ATP6V1C1: variants seen among roughly 807,000 people sequenced by gnomAD.
ATP6V1C1 encodes the protein ATPase H+ transporting V1 subunit C1.
Under a neutral mutation model 53.9 loss-of-function variants are expected in ATP6V1C1, and 45 were observed. The observed-to-expected ratio is 0.83, with a 90% CI of 0.66 to 1.07. The LOEUF (loss-of-function observed/expected upper bound fraction) is 1.07. Among genes scored for constraint, ATP6V1C1 ranks in the 50% least tolerant of loss-of-function variants. The pLI, the probability that ATP6V1C1 is intolerant of heterozygous loss-of-function variation, is 0.00. For synonymous variants in ATP6V1C1, 153 were observed against 155.2 expected, an observed-to-expected ratio of 0.99 and a Z score of 0.11; for missense variants, 315 against 440.3, an observed-to-expected ratio of 0.72 and a Z score of 2.55.
chr8:103,045,713 G>A (rs905775235), intron 3 of ATP6V1C1, among the ~76,000 whole-genome samples: 9 of 152,132 alleles, frequency 5.9e-5, no homozygotes, highest in Non-Finnish European at 1.5e-5. Flanking sequence ...AGGCCAAGGT[G>A]GGCGGATCAT....
chr8:103,021,755 A>T (rs1463720217), intron 1 of ATP6V1C1, among the ~76,000 whole-genome samples: 2 of 152,120 alleles, frequency 1.3e-5, no homozygotes, highest in African/African-American at 4.8e-5. Flanking sequence ...AAAGAACAGG[A>T]ATCCAGAGAA....
At chr8:103,047,761 A>G (rs893684460) in intron 3 of ATP6V1C1, among the ~76,000 whole-genome samples, 4 of 152,170 alleles carry the variant, frequency 2.6e-5, no homozygotes, top group African/African-American at 9.7e-5. Flanking sequence ...AATATGCCCC[A>G]TGGCAACGAT....
In ATP6V1C1 at chr8:103,070,698, T is replaced by G. The variant is rs973067034; in HGVS notation, c.*1951T>G. Reference sequence around the variant, plus strand: ...TGTTCTCATGAGAGTAGGTACAGACTGCATAAGGTTTAGAATCCCAGCATA... The same window carrying G: ...TGTTCTCATGAGAGTAGGTACAGACGGCATAAGGTTTAGAATCCCAGCATA... On this transcript the variant is annotated 3_prime_UTR_variant, in exon 13 of 13. Coordinates refer to ENST00000518738, the MANE Select transcript of ATP6V1C1 (RefSeq NM_001695.5). 1 of 152,232 alleles carries G rather than the reference T, an allele frequency of 6.6e-6. No individual in the cohort carries two copies. Among genetic ancestry groups the G allele is most frequent in the African/African-American group, 2.4e-5 (1 of 41,466 alleles). 9.4% of individuals were successfully genotyped at this position (152,232 alleles called of 1,614,324 possible).
At position 103,072,540 on chromosome 8, in the gene ATP6V1C1, T is replaced by C. The variant is rs554756658; in HGVS notation, c.*3793T>C. The C allele has an allele frequency of 3.3e-4, 50 of 152,368 alleles. No individual in the cohort carries two copies. The highest frequency in any genetic ancestry group is 1.2e-3 in the African/African-American group (49 of 41,588). 9.4% of individuals were successfully genotyped at this position (152,368 alleles called of 1,614,324 possible). A position where few individuals can be genotyped will look rare whatever the true frequency, so the allele number is the denominator to read the frequency against. On this transcript the variant is annotated 3_prime_UTR_variant, in exon 13 of 13. Coordinates refer to ENST00000518738, the MANE Select transcript of ATP6V1C1 (RefSeq NM_001695.5). ...TCTGGAGGAAACCTAGCAAAAACTT[T>C]GCTAGTTTAGTACTTGTCTCTAAAT...
rs1004821876 is a variant in ATP6V1C1 at position 103,070,649 on chromosome 8, A to C, written c.*1902A>C. Reference sequence around the variant, plus strand: ...GAAGCTCAGCCACACAGTGACTTTTAAGGTTTTATTTAGACTTTACTGTTG... The same window carrying C: ...GAAGCTCAGCCACACAGTGACTTTTCAGGTTTTATTTAGACTTTACTGTTG... On this transcript the variant is annotated 3_prime_UTR_variant, in exon 13 of 13. Coordinates refer to ENST00000518738, the MANE Select transcript of ATP6V1C1 (RefSeq NM_001695.5). 2 of 152,234 alleles carry C rather than the reference A, an allele frequency of 1.3e-5. No individual in the cohort carries two copies. Among genetic ancestry groups the C allele is most frequent in the Admixed American group, 6.5e-5 (1 of 15,286 alleles). The allele number at this position is 152,234 out of a possible 1,614,324, so 9.4% of individuals were successfully genotyped here. A position where few individuals can be genotyped will look rare whatever the true frequency, so the allele number is the denominator to read the frequency against.
chr8:103,046,519 A>AT (rs1817099354), intron 3 of ATP6V1C1, among the ~76,000 whole-genome samples: 1 of 152,258 alleles, frequency 6.6e-6, no homozygotes, highest in East Asian at 1.9e-4. Flanking sequence ...GCCAGCTCAG[A>AT]TTTTTTAGGG....
intron 11 of ATP6V1C1, among the ~76,000 whole-genome samples, chr8:103,065,737 A>G (rs1036747451): frequency 1.3e-5 from 2 of 152,108 alleles, no homozygotes; most frequent in East Asian, 3.9e-4. Flanking sequence ...GGATATTCAT[A>G]TATTACCTTA....
At chr8:103,065,909 G>A (rs889600790) in intron 11 of ATP6V1C1, among the ~76,000 whole-genome samples, 11 of 152,046 alleles carry the variant, frequency 7.2e-5, no homozygotes, top group African/African-American at 1.9e-4. Flanking sequence ...GGGCATGGTG[G>A]TATGTGCCTG....
chr8:103,057,584 C>T (rs1321177842), intron 8 of ATP6V1C1, among the ~76,000 whole-genome samples: 1 of 152,148 alleles, frequency 6.6e-6, no homozygotes, highest in African/African-American at 2.4e-5. Flanking sequence ...CTTAGGTTCC[C>T]TGCCTCCAGA....
chr8:103,028,786 A>G (rs1816741969), intron 1 of ATP6V1C1, among the ~76,000 whole-genome samples: 1 of 152,192 alleles, frequency 6.6e-6, no homozygotes, highest in Non-Finnish European at 1.5e-5. Flanking sequence ...GTTTTCTTTG[A>G]CTATGATTCC....
At chr8:103,065,522 T>C (rs1817472981) in intron 11 of ATP6V1C1, among the ~76,000 whole-genome samples, 1 of 152,016 alleles carries the variant, frequency 6.6e-6, no homozygotes, top group African/African-American at 2.4e-5. Flanking sequence ...CACTGCACTA[T>C]TGCACCACTG....
intron 3 of ATP6V1C1, among the ~76,000 whole-genome samples, chr8:103,045,217 T>C (rs1817072774): frequency 6.6e-6 from 1 of 152,226 alleles, no homozygotes; most frequent in South Asian, 2.1e-4. Context: ...GATTTTCTCA[T>C]TTCTGCTGTT....
chr8:103,040,728 C>A, intron 1 of ATP6V1C1, 70 bp from the exon 2 acceptor site: 1 of 1,370,640 alleles, frequency 7.3e-7, no homozygotes, highest in Non-Finnish European at 9.9e-7. Flanking sequence ...ATAACTTCTC[C>A]TATGATTCTG....
At chr8:103,065,591 CAAAA>C (rs1271647853) in intron 11 of ATP6V1C1, among the ~76,000 whole-genome samples, 1 of 151,666 alleles carries the variant, frequency 6.6e-6, no homozygotes. Context: ...ACAAAACAAA[CAAAA>C]AAACACCCCA....
At chr8:103,024,673 A>G (rs895575720) in intron 1 of ATP6V1C1, among the ~76,000 whole-genome samples, 2 of 152,194 alleles carry the variant, frequency 1.3e-5, no homozygotes, top group Admixed American at 1.3e-4. Context: ...TCCATTTTTC[A>G]TCAATTTTTA....
intron 12 of ATP6V1C1, among the ~76,000 whole-genome samples, 193 bp from the exon 13 acceptor site, chr8:103,068,459 A>G (rs539040238): frequency 6.6e-6 from 1 of 152,348 alleles, no homozygotes; most frequent in East Asian, 1.9e-4. Flanking sequence ...TGTGTTTCCT[A>G]GGAGAAGTCA....
intron 10 of ATP6V1C1, 62 bp downstream of exon 10, chr8:103,063,290 C>A: frequency 9.1e-7 from 1 of 1,093,172 alleles, no homozygotes; most frequent in South Asian, 1.7e-5. Flanking sequence ...GTATTGCTTT[C>A]CTTTGATTTA....
chr8:103,051,174 C>T (rs769120922), intron 5 of ATP6V1C1, 30 bp downstream of exon 5: 1 of 1,482,280 alleles, frequency 6.7e-7, no homozygotes. Context: ...AAGTAGGACA[C>T]ATTGATTTGT....
rs767993192 is a variant in ATP6V1C1, at chr8:103,064,698, T to G, written c.829-16T>G. 2 of 1,598,512 alleles carry G rather than the reference T, an allele frequency of 1.3e-6. No individual in the cohort carries two copies. Among genetic ancestry groups the G allele is most frequent in the South Asian group, 2.3e-5 (2 of 87,684 alleles). On this transcript the variant is annotated splice_polypyrimidine_tract_variant and intron_variant, in intron 10 of 12. Coordinates refer to ENST00000518738, the MANE Select transcript of ATP6V1C1 (RefSeq NM_001695.5). ...TTCTAAGACCAAATTTGTGGTAATT[T>G]TTTTTCTTTTTATAGGGACCACTTG... is the stretch of plus-strand genomic sequence containing the variant.
Sources: allele counts gnomAD v4.1 joint callset (sites outside exome capture counted in the v4.1 genomes callset), GRCh38; gene constraint gnomAD v4.1.1; transcripts MANE v1.5; gene names NCBI Gene and HGNC (gene_info 2026-07-23, HGNC 2026-07-21).